Variants in SOX6 observed in about 807,000 individuals in gnomAD.
SOX6 encodes transcription factor SOX-6.
A neutral mutation model predicts 97.8 loss-of-function variants in SOX6; 11 were observed. The ratio of observed to expected loss-of-function variants is 0.11; its 90% CI spans 0.07 to 0.19. SOX6 has a LOEUF of 0.19. SOX6 is among the 10% of genes least tolerant of loss of function. The pLI is 1.00. For missense variants in SOX6, 810 were observed against 1,039.5 expected, an observed-to-expected ratio of 0.78 and a Z score of 3.04; for synonymous variants, 360 against 371.4, an observed-to-expected ratio of 0.97 and a Z score of 0.35.
chr11:16,661,229 C>G (rs1847763372), intron 3 of SOX6, among the ~76,000 whole-genome samples: 1 of 152,164 alleles, frequency 6.6e-6, no homozygotes, highest in African/African-American at 2.4e-5. Flanking sequence ...TTTTCTTGTT[C>G]TGAAGTCTGC....
chr11:16,690,222 AT>A (rs1231918467), intron 3 of SOX6, among the ~76,000 whole-genome samples: 1 of 151,910 alleles, frequency 6.6e-6, no homozygotes, highest in African/African-American at 2.4e-5. Flanking sequence ...TTGTCCCATG[AT>A]TTTTTTCCAT....
chr11:16,144,508 A>G (rs1469163565), intron 6 of SOX6, among the ~76,000 whole-genome samples: 1 of 152,220 alleles, frequency 6.6e-6, no homozygotes, highest in Non-Finnish European at 1.5e-5. Flanking sequence ...TCAGAGCAGA[A>G]CTGAAAGAGA....
intron 1 of SOX6, among the ~76,000 whole-genome samples, chr11:16,425,956 A>G (rs889995399): frequency 1.4e-5 from 1 of 73,784 alleles, no homozygotes. Context: ...CAGAACTAGA[A>G]AAAAAAAAAC....
chr11:16,159,638 C>A (rs1250287415), intron 6 of SOX6, among the ~76,000 whole-genome samples: 2 of 151,988 alleles, frequency 1.3e-5, no homozygotes, highest in Non-Finnish European at 2.9e-5. Context: ...ATGCACACAA[C>A]TTTGGAATCT....
chr11:16,268,790 A>T (rs1519119), intron 3 of SOX6, among the ~76,000 whole-genome samples: 2 of 150,738 alleles, frequency 1.3e-5, no homozygotes, highest in Non-Finnish European at 3.0e-5. Flanking sequence ...TTTCCCTCAA[A>T]TTTTCAGAAA....
chr11:16,400,251 C>A lies in SOX6; in HGVS notation c.-4-58999G>T, dbSNP rs143506980. Reference sequence around the variant, plus strand: ...AGTATGTTCAATATTGAAAAAGTTTCTGGAAACAAATAGAACAGCATTAGA... The same window carrying A: ...AGTATGTTCAATATTGAAAAAGTTTATGGAAACAAATAGAACAGCATTAGA... On this transcript the variant is annotated intron_variant, in intron 1 of 15. Coordinates refer to the SOX6 transcript ENST00000396356. Among the ~76,000 whole-genome samples the A allele has an allele frequency of 3.3e-5, 5 of 151,458 alleles. No homozygotes were observed. In the South Asian group the frequency reaches 8.3e-4, roughly 25 times the overall value.
intron 3 of SOX6, among the ~76,000 whole-genome samples, chr11:16,711,150 T>C (rs540172132): frequency 6.6e-6 from 1 of 152,314 alleles, no homozygotes; most frequent in South Asian, 2.1e-4. Context: ...TCACTTCTAC[T>C]CTTGACCTCC....
chr11:16,155,008 C>T lies in SOX6; in HGVS notation c.777+28878G>A, dbSNP rs187309298. On this transcript the variant is annotated intron_variant, in intron 6 of 15. Transcript: ENST00000683767. ...TTTTCTGTAGGTGGTCCTTGAACTA[C>T]CCTCTTTGCTTAACTGTGGAGTGTG... 3.9e-3 allele frequency among the ~76,000 whole-genome samples: 596 copies of T among 152,050 alleles called. 1 individual carries two copies. Among genetic ancestry groups the T allele is most frequent in the South Asian group, 0.027 (131 of 4,816 alleles).
At chr11:16,072,697 A>G (rs1043180359) in intron 9 of SOX6, among the ~76,000 whole-genome samples, 1 of 152,340 alleles carries the variant, frequency 6.6e-6, no homozygotes, top group Admixed American at 6.5e-5. Context: ...GCAGCTAGAA[A>G]GAAGGAGCAG....
chr11:16,195,806 C>T (rs1314244624), intron 4 of SOX6, among the ~76,000 whole-genome samples: 3 of 152,192 alleles, frequency 2.0e-5, no homozygotes, highest in African/African-American at 7.2e-5. Context: ...ATATTTACAA[C>T]ACCCATGAAA....
At chr11:16,424,381 A>G (rs1227155336) in intron 1 of SOX6, among the ~76,000 whole-genome samples, 1 of 152,234 alleles carries the variant, frequency 6.6e-6, no homozygotes, top group Non-Finnish European at 1.5e-5. Context: ...TTGCAAGGTT[A>G]GCAAGACAAA....
Position 16,026,174 on chromosome 11 carries a change from C to A in SOX6, c.1624-11124G>T, listed in dbSNP as rs1855211652. ...CCATGGTTTCTTCCAGCTCTGAAATCTTATGATTCTATGATATTTGACTTT... is the reference window on the plus strand; with the variant it reads ...CCATGGTTTCTTCCAGCTCTGAAATATTATGATTCTATGATATTTGACTTT... On this transcript the variant is annotated intron_variant, in intron 12 of 15. Coordinates refer to ENST00000683767, the MANE Select transcript of SOX6 (RefSeq NM_001367873.1). 2.0e-5 allele frequency among the ~76,000 whole-genome samples: 3 copies of A among 152,136 alleles called. No individual in the cohort carries two copies. In the South Asian group the frequency reaches 6.2e-4, roughly 31 times the overall value.
At chr11:16,309,826 G>A (rs1482273449) in intron 3 of SOX6, among the ~76,000 whole-genome samples, 4 of 152,022 alleles carry the variant, frequency 2.6e-5, no homozygotes, top group Admixed American at 2.0e-4. Flanking sequence ...ATAAATTCTG[G>A]AGAAGTCAGT....
At position 16,318,268 on chromosome 11, in the gene SOX6, T is replaced by G. The variant is rs530907224; in HGVS notation, c.445+178A>C. 9 of 659,720 alleles carry G rather than the reference T, an allele frequency of 1.4e-5. No homozygotes were observed. The Admixed American group carries it at 2.1e-4, about 16-fold the overall frequency. 40.9% of individuals were successfully genotyped at this position (659,720 alleles called of 1,614,324 possible). On this transcript the variant is annotated intron_variant, in intron 3 of 15. Coordinates refer to ENST00000683767, the MANE Select transcript of SOX6 (RefSeq NM_001367873.1). Reference sequence around the variant, plus strand: ...GTTTTAGAAAAACGGAGCTATCTGTTTAACACTCCTAATGGATCAAAATCT... The same window carrying G: ...GTTTTAGAAAAACGGAGCTATCTGTGTAACACTCCTAATGGATCAAAATCT...
intron 12 of SOX6, among the ~76,000 whole-genome samples, chr11:16,039,216 CG>C (rs1855594038): frequency 1.3e-5 from 2 of 152,032 alleles, no homozygotes; most frequent in African/African-American, 2.4e-5. Context: ...TTTTACTGCA[CG>C]TATCACTGCA....
chr11:16,003,802 A>C (rs1854473555), intron 13 of SOX6, among the ~76,000 whole-genome samples: 1 of 152,024 alleles, frequency 6.6e-6, no homozygotes, highest in Non-Finnish European at 1.5e-5. Flanking sequence ...TTTGATGTGG[A>C]AAATGTACCC....
intron 4 of SOX6, among the ~76,000 whole-genome samples, chr11:16,214,882 C>T (rs1590035806): frequency 6.6e-6 from 1 of 151,234 alleles, no homozygotes; most frequent in African/African-American, 2.4e-5. Flanking sequence ...CCTGAGTAGC[C>T]GGGATGACAG....
At chr11:16,289,016 TC>T (rs1565072294) in intron 3 of SOX6, among the ~76,000 whole-genome samples, 2 of 151,858 alleles carry the variant, frequency 1.3e-5, no homozygotes, top group Non-Finnish European at 2.9e-5. Context: ...TATAATGAAT[TC>T]TGGGCACAAG....
At chr11:16,024,810 A>G (rs1004755999) in intron 12 of SOX6, among the ~76,000 whole-genome samples, 1 of 152,032 alleles carries the variant, frequency 6.6e-6, no homozygotes, top group African/African-American at 2.4e-5. Flanking sequence ...CTTCTTGTGG[A>G]GATGTTTTAT....
Sources: allele counts gnomAD v4.1 joint callset (sites outside exome capture counted in the v4.1 genomes callset), GRCh38; gene constraint gnomAD v4.1.1; transcripts MANE v1.5; gene names NCBI Gene and HGNC (gene_info 2026-07-23, HGNC 2026-07-21).